The following RBFOX1 variants were observed in gnomAD, a reference collection of about 807,000 sequenced individuals.
RBFOX1 encodes the protein RNA binding fox-1 homolog 1.
In RBFOX1, 8 loss-of-function variants were observed where a neutral mutation model predicts 57.7. The observed-to-expected ratio is 0.14, with a 90% confidence interval of 0.08 to 0.25. The LOEUF (loss-of-function observed/expected upper bound fraction) is 0.25. Ranked by LOEUF, RBFOX1 falls within the 10% of genes least tolerant of loss-of-function variation. RBFOX1 has a pLI of 1.00. For missense variants in RBFOX1, 611 were observed against 548.5 expected (o/e 1.11, Z -1.14); for synonymous variants, 326 against 222.4 (o/e 1.47, Z -4.15).
chr16:6,714,512 C>T (rs1472916841), intron 3 of RBFOX1, among the ~76,000 whole-genome samples: 2 of 152,122 alleles, frequency 1.3e-5, no homozygotes, highest in Non-Finnish European at 2.9e-5. Flanking sequence ...TACCCAAGGG[C>T]AGGGGGCCTG....
rs201554415 is a variant in RBFOX1, at chr16:6,300,132, T to TA, written c.-126-16857dup. On this transcript the variant is annotated intron_variant, in intron 1 of 15. Coordinates refer to ENST00000550418, the MANE Select transcript of RBFOX1 (RefSeq NM_018723.4). ...CATTATCTCACTTATATGAGGAATC[T>TA]AAAAAAGTCAAACTCATAGAAACAG... is the stretch of plus-strand genomic sequence containing the variant. Among the ~76,000 whole-genome samples the TA allele has an allele frequency of 8.7e-3, 1,322 of 152,240 alleles. 27 individuals are homozygous for TA. Among genetic ancestry groups the TA allele is most frequent in the African/African-American group, 0.03 (1,238 of 41,538 alleles).
chr16:6,662,876 T>C (rs977866936), intron 3 of RBFOX1, among the ~76,000 whole-genome samples: 3 of 152,206 alleles, frequency 2.0e-5, no homozygotes, highest in Non-Finnish European at 4.4e-5. Flanking sequence ...TTAAAACAAA[T>C]ACTCCCATAG....
intron 4 of RBFOX1, among the ~76,000 whole-genome samples, chr16:5,939,862 A>G (rs2059245162): frequency 6.6e-6 from 1 of 152,200 alleles, no homozygotes; most frequent in Non-Finnish European, 1.5e-5. Flanking sequence ...GCACAGTTGC[A>G]GGTTGACAGT....
intron 2 of RBFOX1, among the ~76,000 whole-genome samples, chr16:6,461,732 G>C (rs1005007771): frequency 6.6e-6 from 1 of 151,992 alleles, no homozygotes; most frequent in Non-Finnish European, 1.5e-5. Context: ...CAGATTAATG[G>C]GATAATTTTA....
chr16:6,971,859 A>G (rs1288235249), intron 3 of RBFOX1, among the ~76,000 whole-genome samples: 3 of 152,088 alleles, frequency 2.0e-5, no homozygotes, highest in Admixed American at 1.3e-4. Context: ...GAAGAGTCTA[A>G]TTCCCTGCAG....
chr16:5,310,285 C>G (rs1360342837), intron 1 of RBFOX1, among the ~76,000 whole-genome samples: 5 of 152,020 alleles, frequency 3.3e-5, no homozygotes, highest in Admixed American at 6.6e-5. Context: ...ACCTGTAGTC[C>G]CAGATACTCA....
chr16:6,063,263 G>A (rs539844305), intron 1 of RBFOX1, among the ~76,000 whole-genome samples: 126 of 152,006 alleles, frequency 8.3e-4, no homozygotes, highest in Non-Finnish European at 1.6e-3. Context: ...CACATGATAT[G>A]CCAACTTGCT....
chr16:5,506,654 G>T (rs934729646), intron 2 of RBFOX1, among the ~76,000 whole-genome samples: 2 of 152,140 alleles, frequency 1.3e-5, no homozygotes, highest in Non-Finnish European at 2.9e-5. Flanking sequence ...CACAGAGAAG[G>T]TGGGCTATAG....
At chr16:7,693,432 T>TTTTC in intron 14 of RBFOX1, 4 of 1,296,648 alleles carry the variant, frequency 3.1e-6, no homozygotes, top group South Asian at 1.3e-5. Flanking sequence ...TTTTTTTTTT[T>TTTTC]TTCTTCTTCA....
chr16:6,891,390 T>C (rs1379991859), intron 3 of RBFOX1, among the ~76,000 whole-genome samples: 1 of 152,168 alleles, frequency 6.6e-6, no homozygotes, highest in African/African-American at 2.4e-5. Flanking sequence ...TCTACCCAGT[T>C]CTGAAAACCC....
At chr16:7,583,879 G>C (rs1389072613) in intron 6 of RBFOX1, among the ~76,000 whole-genome samples, 3 of 151,948 alleles carry the variant, frequency 2.0e-5, no homozygotes, top group African/African-American at 7.2e-5. Context: ...CAGGAAAATG[G>C]TCCACTAAAC....
intron 3 of RBFOX1, among the ~76,000 whole-genome samples, chr16:5,609,991 G>A (rs1007264665): frequency 5.3e-5 from 8 of 152,078 alleles, no homozygotes; most frequent in Admixed American, 3.9e-4. Flanking sequence ...TTATTTAAAT[G>A]TCTAAGCCCT....
intron 3 of RBFOX1, among the ~76,000 whole-genome samples, chr16:7,010,845 G>C (rs2093620963): frequency 6.6e-6 from 1 of 152,180 alleles, no homozygotes; most frequent in South Asian, 2.1e-4. Context: ...CCAAAGTGCT[G>C]GGATTATAGG....
chr16:5,493,278 C>T (rs2042894233), intron 2 of RBFOX1, among the ~76,000 whole-genome samples: 1 of 152,158 alleles, frequency 6.6e-6, no homozygotes, highest in East Asian at 1.9e-4. Flanking sequence ...CACTATGTTA[C>T]TCAGGGTGGT....
intron 4 of RBFOX1, among the ~76,000 whole-genome samples, chr16:7,215,983 A>G (rs2091971174): frequency 6.6e-6 from 1 of 152,136 alleles, no homozygotes; most frequent in Non-Finnish European, 1.5e-5. Context: ...TCGGCCTCCC[A>G]AAGTGCTGAG....
chr16:7,219,840 T>C (rs1232417613), intron 4 of RBFOX1, among the ~76,000 whole-genome samples: 1 of 152,180 alleles, frequency 6.6e-6, no homozygotes, highest in East Asian at 1.9e-4. Flanking sequence ...GGATTTCCCA[T>C]TGTTTCTGAG....
intron 3 of RBFOX1, among the ~76,000 whole-genome samples, chr16:6,657,719 A>G (rs1019977499): frequency 6.6e-6 from 1 of 152,184 alleles, no homozygotes; most frequent in African/African-American, 2.4e-5. Flanking sequence ...AGGTGCCAAA[A>G]TAATAAGTAA....
intron 4 of RBFOX1, among the ~76,000 whole-genome samples, chr16:7,165,387 G>GTAA (rs142157694): frequency 0.21 from 29,459 of 141,080 alleles, 3,622 homozygotes; most frequent in East Asian, 0.42. Context: ...TAACTCTTCT[G>GTAA]TAATAATAAT....
chr16:6,538,929 G>T (rs1362553004), intron 2 of RBFOX1, among the ~76,000 whole-genome samples: 1 of 152,126 alleles, frequency 6.6e-6, no homozygotes, highest in Non-Finnish European at 1.5e-5. Context: ...CTTAGCTGGT[G>T]CCAGGTTGGA....
Sources: gnomAD v4.1 joint callset for allele counts (sites outside exome capture counted in the v4.1 genomes callset) on GRCh38, gnomAD v4.1.1 for gene constraint, MANE v1.5 for transcripts, NCBI Gene and HGNC (gene_info 2026-07-23, HGNC 2026-07-21) for gene names.